The following NOTCH2 variants were observed in gnomAD, a reference collection of about 807,000 sequenced individuals.
The protein encoded by NOTCH2 is notch receptor 2, also known as neurogenic locus notch homolog protein 2.
NOTCH2 carries 29 observed loss-of-function variants against 235.8 expected under a neutral mutation model. The ratio of observed to expected loss-of-function variants is 0.12; its 90% confidence interval spans 0.09 to 0.17. The LOEUF (loss-of-function observed/expected upper bound fraction) is 0.17. NOTCH2 is among the 10% of genes least tolerant of loss of function. NOTCH2 has a pLI of 1.00. For missense variants in NOTCH2, 2,285 were observed against 3,150.2 expected, an observed-to-expected ratio of 0.73 and a Z score of 6.57; for synonymous variants, 1,086 against 1,141.5, an observed-to-expected ratio of 0.95 and a Z score of 0.98.
chr1:119,923,756 C>T lies in NOTCH2; in HGVS notation c.4740G>A (p.Lys1580=), dbSNP rs367699419. The change falls in exon 26 of 34, where the codon AAG becomes AAA. Residue 1580 remains lysine (K), a synonymous_variant. Coordinates refer to ENST00000256646, the MANE Select transcript of NOTCH2 (RefSeq NM_024408.4). The part of the protein sequence containing the change: ...GTLLHTNLRI[K]RDSQGELMVY... ...CCATGAGTTCCCCCTGGGAGTCCCG[C>T]TTAATGCGCAGGTTGGTGTGGAGCA... is the stretch of plus-strand genomic sequence containing the variant. The T allele has an allele frequency of 2.7e-5, 44 of 1,614,170 alleles. No homozygotes were observed. The East Asian group carries it at 7.4e-4, about 27-fold the overall frequency.
intron 31 of NOTCH2, among the ~76,000 whole-genome samples, chr1:119,918,932 C>T (rs1458804138): frequency 2.0e-5 from 3 of 149,110 alleles, no homozygotes; most frequent in Admixed American, 2.0e-4. Flanking sequence ...GTCAAGAAAA[C>T]TGCCAATGAG....
In NOTCH2 at chr1:119,955,209, C is replaced by T; in HGVS notation, c.2050G>A (p.Asp684Asn). ...FTGQRCNIDIDECASNPCRKG... is the reference protein window; with the variant it reads ...FTGQRCNIDINECASNPCRKG... ...CGACAGGGATTGGAGGCACACTCAT[C>T]AATGTCAATGTTACATCTCTGCCCT... The change falls in exon 13 of 34, where the codon GAT becomes AAT. Residue 684 changes from aspartate (D) to asparagine (N), a missense_variant. This residue lies in a region of NOTCH2 where 1,173 missense variants were observed against 1,515.3 expected (regional missense o/e 0.77). Coordinates refer to ENST00000256646, the MANE Select transcript of NOTCH2 (RefSeq NM_024408.4). 6.2e-7 allele frequency: 1 copy of T among 1,614,100 alleles called. No individual in the cohort carries two copies. Among genetic ancestry groups the T allele is most frequent in the Non-Finnish European group, 8.5e-7 (1 of 1,179,988 alleles).
chr1:119,999,941 A>T (rs1202376584), intron 3 of NOTCH2, among the ~76,000 whole-genome samples: 5 of 112,848 alleles, frequency 4.4e-5, no homozygotes, highest in Admixed American at 1.6e-4. Flanking sequence ...GAAAGAAAGA[A>T]AGAAAGAAAG....
chr1:119,937,762 C>G, intron 20 of NOTCH2, 95 bp downstream of exon 20: 1 of 1,418,706 alleles, frequency 7.0e-7, no homozygotes, highest in Non-Finnish European at 9.8e-7. Flanking sequence ...ATCTGCCCTT[C>G]CCTCTTATTC....
At chr1:119,983,132 G>T (rs920315268) in intron 5 of NOTCH2, among the ~76,000 whole-genome samples, 6 of 151,640 alleles carry the variant, frequency 4.0e-5, no homozygotes, top group African/African-American at 1.5e-4. Context: ...GTACCAAAAT[G>T]TATTATTTCA....
chr1:120,017,319 T>C (rs327205), intron 2 of NOTCH2, among the ~76,000 whole-genome samples: 23,964 of 150,232 alleles, frequency 0.16, 2,176 homozygotes, highest in African/African-American at 0.3. Flanking sequence ...AGCCCTAAAA[T>C]TTCATTAAGT....
In NOTCH2 at chr1:119,912,018, T is replaced by C. The variant is rs1019006718; in HGVS notation, c.*3288A>G. Reference sequence around the variant, plus strand: ...ATCATGAGGTAACACTGCCAGGCCATGGATGCAGTATTGGAAAATAAAAAA... The same window carrying C: ...ATCATGAGGTAACACTGCCAGGCCACGGATGCAGTATTGGAAAATAAAAAA... On this transcript the variant is annotated 3_prime_UTR_variant, in exon 34 of 34. Coordinates refer to ENST00000256646, the MANE Select transcript of NOTCH2 (RefSeq NM_024408.4). The C allele has an allele frequency of 4.7e-5, 11 of 233,526 alleles. No homozygotes were observed. Among genetic ancestry groups the C allele is most frequent in the Non-Finnish European group, 8.5e-5 (10 of 118,052 alleles). 14.5% of individuals were successfully genotyped at this position (233,526 alleles called of 1,614,324 possible).
intron 2 of NOTCH2, among the ~76,000 whole-genome samples, chr1:120,009,321 A>G (rs781801786): frequency 9.2e-5 from 14 of 151,400 alleles, no homozygotes; most frequent in Non-Finnish European, 1.8e-4. Flanking sequence ...AAGCCCATGT[A>G]CAGAACCATA....
Position 119,925,444 on chromosome 1 carries a change from T to C in NOTCH2, c.4372A>G (p.Thr1458Ala), listed in dbSNP as rs1388647498. ...CAGTTGGCCCAGGGGTTCTCCATGGTGAGAGAACAGTCACCCCCATCCCAC... is the reference window on the plus strand; with the variant it reads ...CAGTTGGCCCAGGGGTTCTCCATGGCGAGAGAACAGTCACCCCCATCCCAC... The part of the protein sequence containing the change: ...CQWDGGDCSL[T>A]MENPWANCSS... Residue 1458 changes from threonine to alanine, a missense_variant, in exon 25 of 34, where the codon ACC becomes GCC. By Grantham distance (58) the Thr-to-Ala change is moderately conservative (BLOSUM62 0). This residue lies in a region of NOTCH2 where 1,173 missense variants were observed against 1,515.3 expected (regional missense o/e 0.77). Coordinates refer to ENST00000256646, the MANE Select transcript of NOTCH2 (RefSeq NM_024408.4). 1.2e-6 allele frequency: 2 copies of C among 1,613,752 alleles called. No homozygotes were observed. The highest frequency in any genetic ancestry group is 2.7e-5 in the African/African-American group (2 of 74,826).
intron 30 of NOTCH2, 52 bp from the exon 31 acceptor site, chr1:119,919,665 C>A: frequency 6.4e-7 from 1 of 1,564,964 alleles, no homozygotes; most frequent in Non-Finnish European, 8.7e-7. Flanking sequence ...AGGTAGTTAA[C>A]CCTATGGTTG....
chr1:119,938,488 T>C (rs897353773), intron 19 of NOTCH2, among the ~76,000 whole-genome samples: 19 of 152,306 alleles, frequency 1.2e-4, no homozygotes, highest in Admixed American at 1.0e-3. Context: ...GTCCTAGTGG[T>C]GGCAGGTCAA....
intron 5 of NOTCH2, among the ~76,000 whole-genome samples, chr1:119,981,197 C>T (rs1651799921): frequency 6.6e-6 from 1 of 152,070 alleles, no homozygotes; most frequent in African/African-American, 2.4e-5. Context: ...CCATCCATTA[C>T]TCAGACTCAA....
intron 12 of NOTCH2, among the ~76,000 whole-genome samples, chr1:119,957,853 C>T (rs1461925193): frequency 2.0e-5 from 3 of 149,314 alleles, no homozygotes; most frequent in African/African-American, 7.4e-5. Flanking sequence ...CACACACACA[C>T]ACACACACAC....
chr1:119,915,381 ACC>A lies in NOTCH2; in HGVS notation c.7339_7340del (p.Gly2447CysfsTer14). The A allele has an allele frequency of 6.2e-7, 1 of 1,613,976 alleles. No homozygotes were observed. The highest frequency in any genetic ancestry group is 8.5e-7 in the Non-Finnish European group (1 of 1,179,990). The part of the protein sequence containing the change: ...SDVTTSPTPG[G>X]AGGGQRGPGT... ...CAGGTCCCCGCTGACCTCCTCCAGC[ACC>A]CCCAGGGGTAGGGCTGGTGGTCACA... is the stretch of plus-strand genomic sequence containing the variant. On this transcript the variant is annotated frameshift_variant, in exon 34 of 34. Transcript: ENST00000256646. LOFTEE classifies it high-confidence loss of function.
At chr1:119,935,683 A>T (rs1649824777) in intron 21 of NOTCH2, 79 bp from the exon 22 acceptor site, 11 of 1,500,996 alleles carry the variant, frequency 7.3e-6, no homozygotes, top group Non-Finnish European at 3.7e-6. Context: ...GAGATCTGGA[A>T]CATTTCTGTG....
chr1:120,000,727 C>T (rs1652716867), intron 3 of NOTCH2, among the ~76,000 whole-genome samples: 2 of 150,550 alleles, frequency 1.3e-5, no homozygotes, highest in Admixed American at 1.3e-4. Flanking sequence ...CCTACTTTGC[C>T]TCCTAATAGC....
chr1:119,965,714 A>C (rs184355400), intron 9 of NOTCH2, 148 bp from the exon 10 acceptor site: 1 of 716,254 alleles, frequency 1.4e-6, no homozygotes, highest in East Asian at 2.6e-5. Flanking sequence ...AACTGGAATA[A>C]CCAGGTGACA....
chr1:119,980,878 T>C lies in NOTCH2; in HGVS notation c.874+6082A>G, dbSNP rs186425246. Among the ~76,000 whole-genome samples, 298 of 152,288 alleles carry C rather than the reference T, an allele frequency of 2.0e-3. 4 individuals carry two copies. The highest frequency in any genetic ancestry group is 9.7e-4 in the Non-Finnish European group (66 of 68,028). On this transcript the variant is annotated intron_variant, in intron 5 of 33. Coordinates refer to ENST00000256646, the MANE Select transcript of NOTCH2 (RefSeq NM_024408.4). ...AAGGCTGTACCCTTTAACTTGAGGA[T>C]GCTATCATGGCCGAGCTCTCTTCCC...
At chr1:119,976,584 C>A (rs1651587942) in intron 5 of NOTCH2, among the ~76,000 whole-genome samples, 3 of 151,998 alleles carry the variant, frequency 2.0e-5, no homozygotes, top group Admixed American at 6.6e-5. Flanking sequence ...GGTTTCCCTG[C>A]ATCATGACCA....
Sources: gnomAD v4.1 joint callset for allele counts (sites outside exome capture counted in the v4.1 genomes callset) on GRCh38, gnomAD v4.1.1 for gene constraint, gnomAD v4.1.1 regional missense constraint, MANE v1.5 for transcripts, NCBI Gene and HGNC (gene_info 2026-07-23, HGNC 2026-07-21) for gene names.